The following COL25A1 variants were observed in gnomAD, a reference collection of about 807,000 sequenced individuals.
The protein encoded by COL25A1 is collagen alpha-1(XXV) chain.
Under a neutral mutation model 128.4 loss-of-function variants are expected in COL25A1, and 103 were observed. That is an observed-to-expected ratio of 0.80 (90% CI 0.68 to 0.94). COL25A1 has a LOEUF of 0.94. Among genes scored for constraint, COL25A1 ranks in the 40% least tolerant of loss-of-function variants. The pLI, the probability that COL25A1 is intolerant of heterozygous loss-of-function variation, is 0.00. For synonymous variants in COL25A1, 279 were observed against 277.2 expected (o/e 1.01, Z -0.06); for missense variants, 745 against 840.0 (o/e 0.89, Z 1.40).
At chr4:109,061,980 A>AT (rs1210282775) in intron 3 of COL25A1, among the ~76,000 whole-genome samples, 13 of 152,176 alleles carry the variant, frequency 8.5e-5, no homozygotes, top group African/African-American at 2.9e-4. Context: ...TTTCTTTTCT[A>AT]TGTTGCATAG....
intron 19 of COL25A1, among the ~76,000 whole-genome samples, chr4:108,883,817 G>C (rs1740429725): frequency 6.6e-6 from 1 of 152,134 alleles, no homozygotes; most frequent in African/African-American, 2.4e-5. Context: ...TTATGGGGAT[G>C]TTAAGACTCT....
intron 3 of COL25A1, among the ~76,000 whole-genome samples, chr4:109,117,040 C>T (rs201317178): frequency 0.023 from 3,423 of 150,992 alleles, 97 homozygotes; most frequent in South Asian, 0.12. Flanking sequence ...GTGTAACATG[C>T]GTAATAGGAA....
At position 109,276,095 on chromosome 4, in the gene COL25A1, T is replaced by G. The variant is rs138162046; in HGVS notation, c.367+24488A>C. ...ATCATTACATGTTCTTACTGGATGA[T>G]AAACCCTCAAGGATAAAGATTGTCT... On this transcript the variant is annotated intron_variant, in intron 3 of 37. Coordinates refer to ENST00000399132, the MANE Select transcript of COL25A1 (RefSeq NM_198721.4). Among the ~76,000 whole-genome samples the G allele has an allele frequency of 3.3e-3, 505 of 152,328 alleles. 5 individuals are homozygous for G. The highest frequency in any genetic ancestry group is 0.011 in the African/African-American group (453 of 41,574).
intron 3 of COL25A1, among the ~76,000 whole-genome samples, chr4:109,167,049 CTTTG>C (rs1338861816): frequency 3.3e-5 from 5 of 152,012 alleles, no homozygotes; most frequent in Non-Finnish European, 2.9e-5. Flanking sequence ...TCAATGAGGT[CTTTG>C]TTTAACAAAT....
At position 108,818,838 on chromosome 4, in the gene COL25A1, T is replaced by C. The variant is rs74937680; in HGVS notation, c.1923+414A>G. 5.4e-5 allele frequency among the ~76,000 whole-genome samples: 8 copies of C among 149,364 alleles called. No individual in the cohort carries two copies. The East Asian group carries it at 1.4e-3, about 26-fold the overall frequency. On this transcript the variant is annotated intron_variant, in intron 36 of 37. Coordinates refer to ENST00000399132, the MANE Select transcript of COL25A1 (RefSeq NM_198721.4). The stretch of plus-strand genomic sequence containing the variant: ...CCTTATTTATAGCCTGATTGAAATA[T>C]AGCGAAAAAGGCAGAAATACCTTTT...
intron 3 of COL25A1, among the ~76,000 whole-genome samples, chr4:109,100,801 G>A (rs1765823721): frequency 6.6e-6 from 1 of 152,106 alleles, no homozygotes; most frequent in African/African-American, 2.4e-5. Context: ...TATGACAATG[G>A]AGAAGGAGAT....
In COL25A1 at chr4:108,940,632, C is replaced by T; in HGVS notation, c.579G>A (p.Gln193=). 3 of 1,598,494 alleles carry T rather than the reference C, an allele frequency of 1.9e-6. No homozygotes were observed. Among genetic ancestry groups the T allele is most frequent in the East Asian group, 2.2e-5 (1 of 44,780 alleles). Residue 193 remains glutamine (Q), a synonymous_variant, in exon 10 of 38, where the codon CAG becomes CAA. Transcript: ENST00000399132. ...KRRLIKGDQG[Q]AGPPGPPGPP... Reference sequence around the variant, plus strand: ...GGCCAGGGGGTCCTGGAGGCCCTGCCTGTCCTTGGTCACCCTGTGATGGAG... The same window carrying T: ...GGCCAGGGGGTCCTGGAGGCCCTGCTTGTCCTTGGTCACCCTGTGATGGAG...
chr4:109,217,587 G>A (rs1401763268), intron 3 of COL25A1, among the ~76,000 whole-genome samples: 1 of 150,706 alleles, frequency 6.6e-6, no homozygotes, highest in Admixed American at 6.6e-5. Flanking sequence ...GTTACAGGTA[G>A]GCGCTGACAA....
At chr4:108,865,805 T>C (rs147473008) in intron 20 of COL25A1, among the ~76,000 whole-genome samples, 36 of 152,320 alleles carry the variant, frequency 2.4e-4, no homozygotes, top group African/African-American at 8.4e-4. Context: ...TTGCCTAGGC[T>C]GGTGTACAGT....
intron 3 of COL25A1, among the ~76,000 whole-genome samples, chr4:109,267,924 T>C (rs1578593466): frequency 6.6e-6 from 1 of 152,204 alleles, no homozygotes; most frequent in East Asian, 1.9e-4. Context: ...GTCTATATTG[T>C]CTTTCCTTAG....
intron 3 of COL25A1, among the ~76,000 whole-genome samples, chr4:109,059,688 G>A (rs957301120): frequency 6.6e-6 from 1 of 152,164 alleles, no homozygotes; most frequent in East Asian, 1.9e-4. Context: ...TTATGTTTAA[G>A]CTCAGTTAAT....
chr4:108,989,121 C>T (rs1360624879), intron 6 of COL25A1, among the ~76,000 whole-genome samples: 2 of 152,228 alleles, frequency 1.3e-5, no homozygotes, highest in African/African-American at 2.4e-5. Context: ...AAACTGCATG[C>T]ACTTTATTCA....
intron 5 of COL25A1, among the ~76,000 whole-genome samples, chr4:109,023,648 G>A (rs1327951851): frequency 3.9e-5 from 6 of 152,170 alleles, no homozygotes; most frequent in Non-Finnish European, 8.8e-5. Flanking sequence ...AAAGAAACTG[G>A]CAGAAATATT....
chr4:108,982,407 T>C (rs909139563), intron 6 of COL25A1, among the ~76,000 whole-genome samples: 3 of 152,140 alleles, frequency 2.0e-5, no homozygotes, highest in Non-Finnish European at 2.9e-5. Context: ...ATGATTAAAA[T>C]AGACTAAACG....
intron 3 of COL25A1, among the ~76,000 whole-genome samples, chr4:109,065,545 C>CGT (rs70949065): frequency 0.047 from 6,615 of 141,074 alleles, 151 homozygotes; most frequent in East Asian, 0.075. Context: ...CGCGCGCGCG[C>CGT]GTGTGTGTGT....
At chr4:109,164,939 A>G (rs1772926121) in intron 3 of COL25A1, among the ~76,000 whole-genome samples, 1 of 152,178 alleles carries the variant, frequency 6.6e-6, no homozygotes, top group African/African-American at 2.4e-5. Context: ...TTGCAGAAAT[A>G]TGTTTCCCAA....
intron 6 of COL25A1, among the ~76,000 whole-genome samples, chr4:108,993,954 G>A (rs373101837): frequency 1.3e-5 from 2 of 152,006 alleles, no homozygotes; most frequent in Admixed American, 6.6e-5. Flanking sequence ...AATCTATCAC[G>A]AAAGAGAGAA....
At chr4:109,269,072 T>TCCCTCCC (rs1267244967) in intron 3 of COL25A1, among the ~76,000 whole-genome samples, 12 of 109,600 alleles carry the variant, frequency 1.1e-4, no homozygotes, top group African/African-American at 4.2e-4. Context: ...CCCAATGCTA[T>TCCCTCCC]CCCTCCCCCC....
chr4:109,121,121 G>A (rs1768072804), intron 3 of COL25A1, among the ~76,000 whole-genome samples: 1 of 151,910 alleles, frequency 6.6e-6, no homozygotes, highest in African/African-American at 2.4e-5. Context: ...GATATAGAGT[G>A]GCAAAAGATC....
Sources: gnomAD v4.1 joint callset for allele counts (sites outside exome capture counted in the v4.1 genomes callset) on GRCh38, gnomAD v4.1.1 for gene constraint, MANE v1.5 for transcripts, NCBI Gene and HGNC (gene_info 2026-07-23, HGNC 2026-07-21) for gene names.